The following RFTN1 variants were observed in gnomAD, a reference collection of about 807,000 sequenced individuals.
RFTN1 encodes the protein raftlin, lipid raft linker 1.
Under a neutral mutation model 46.5 loss-of-function variants are expected in RFTN1, and 26 were observed. That is an observed-to-expected ratio of 0.56 (90% CI 0.41 to 0.78). The LOEUF is 0.78. Among genes scored for constraint, RFTN1 ranks in the 30% least tolerant of loss-of-function variants. The probability of loss-of-function intolerance (pLI) is 0.00; values close to 1 mark genes in which losing one functional copy is unlikely to be tolerated. For synonymous variants in RFTN1, 261 were observed against 284.2 expected (o/e 0.92, Z 0.82); for missense variants, 693 against 718.7 (o/e 0.96, Z 0.41).
chr3:16,452,929 C>T lies in RFTN1; in HGVS notation c.146-18892G>A, dbSNP rs1397311405. Among the ~76,000 whole-genome samples, 2 of 152,100 alleles carry T rather than the reference C, an allele frequency of 1.3e-5. No individual in the cohort carries two copies. The highest frequency in any genetic ancestry group is 2.9e-5 in the Non-Finnish European group (2 of 68,006). On this transcript the variant is annotated intron_variant, in intron 2 of 9. Transcript: ENST00000334133. This position sits in a 1 kb window ranked among gnomAD's most constrained non-coding sequence, Gnocchi z 6.3. ...TCAATGTATTTTACAGCAGAAAAAG[C>T]CCTTAAAAATGAGAATGAGGATGAT...
intron 2 of RFTN1, among the ~76,000 whole-genome samples, chr3:16,439,834 G>A (rs2075587542): frequency 6.6e-6 from 1 of 152,114 alleles, no homozygotes; most frequent in Non-Finnish European, 1.5e-5. Flanking sequence ...GCTTTTCAGA[G>A]GAGTTCTAGG....
In RFTN1 at chr3:16,474,505, G is replaced by A. The variant is rs2124955971; in HGVS notation, c.145+19220C>T. On this transcript the variant is annotated intron_variant, in intron 2 of 9. Coordinates refer to ENST00000334133, the MANE Select transcript of RFTN1 (RefSeq NM_015150.2). The surrounding 1 kb of genome is among the most constrained non-coding windows in gnomAD (Gnocchi z 5.5). Reference sequence around the variant, plus strand: ...TGAGAAAGATACCAGTACACCCCCAGGAAGCCAGCCGATTCTCTGGTGATG... The same window carrying A: ...TGAGAAAGATACCAGTACACCCCCAAGAAGCCAGCCGATTCTCTGGTGATG... Among the ~76,000 whole-genome samples, 1 of 152,276 alleles carries A rather than the reference G, an allele frequency of 6.6e-6. No homozygotes were observed. The highest frequency in any genetic ancestry group is 1.9e-4 in the East Asian group (1 of 5,176).
intron 8 of RFTN1, 85 bp downstream of exon 8, chr3:16,326,688 T>G: frequency 1.0e-6 from 1 of 984,494 alleles, no homozygotes; most frequent in South Asian, 1.5e-5. Flanking sequence ...ATTAAATAAT[T>G]TATAGACGTG....
chr3:16,372,158 G>A (rs1286221737), intron 5 of RFTN1, among the ~76,000 whole-genome samples: 4 of 152,188 alleles, frequency 2.6e-5, no homozygotes, highest in East Asian at 1.9e-4. Flanking sequence ...AGTGATCCCA[G>A]GAAACAGAGG....
At chr3:16,371,875 C>T (rs541180873) in intron 5 of RFTN1, among the ~76,000 whole-genome samples, 1 of 152,304 alleles carries the variant, frequency 6.6e-6, no homozygotes, top group African/African-American at 2.4e-5. Flanking sequence ...AGTCACTAGA[C>T]TAGTTTGTGA....
Position 16,500,462 on chromosome 3 carries a change from A to G in RFTN1, c.-8-6585T>C, listed in dbSNP as rs1484033220. On this transcript the variant is annotated intron_variant, in intron 1 of 9. Coordinates refer to ENST00000334133, the MANE Select transcript of RFTN1 (RefSeq NM_015150.2). This position sits in a 1 kb window ranked among gnomAD's most constrained non-coding sequence, Gnocchi z 5.9. Reference sequence around the variant, plus strand: ...ATGGAAGAGGTCTTTCCCCATTTCTATGGTGAAACAGTGGGGAAATAATCA... The same window carrying G: ...ATGGAAGAGGTCTTTCCCCATTTCTGTGGTGAAACAGTGGGGAAATAATCA... Among the ~76,000 whole-genome samples, 1 of 152,224 alleles carries G rather than the reference A, an allele frequency of 6.6e-6. No individual in the cohort carries two copies. Among genetic ancestry groups the G allele is most frequent in the Non-Finnish European group, 1.5e-5 (1 of 68,040 alleles).
rs939109727 is a variant in RFTN1, at chr3:16,443,328, T to C, written c.146-9291A>G. Among the ~76,000 whole-genome samples the C allele has an allele frequency of 2.0e-5, 3 of 152,234 alleles. No individual in the cohort carries two copies. The highest frequency in any genetic ancestry group is 1.3e-4 in the Admixed American group (2 of 15,288). On this transcript the variant is annotated intron_variant, in intron 2 of 9. Coordinates refer to ENST00000334133, the MANE Select transcript of RFTN1 (RefSeq NM_015150.2). This position sits in a 1 kb window ranked among gnomAD's most constrained non-coding sequence, Gnocchi z 5.5. ...TTTGCATTTCTCTGATGTTTAGTGA[T>C]GTTAATAAGCATTCTTTCATATATG...
intron 2 of RFTN1, among the ~76,000 whole-genome samples, chr3:16,434,429 T>C (rs2125497410): frequency 6.6e-6 from 1 of 151,600 alleles, no homozygotes; most frequent in Admixed American, 6.6e-5. Flanking sequence ...TAGCCAGTGC[T>C]TGTGGTCCTG....
Position 16,509,461 on chromosome 3 carries a change from A to G in RFTN1, c.-9+3981T>C, listed in dbSNP as rs2076863338. On this transcript the variant is annotated intron_variant, in intron 1 of 9. Transcript: ENST00000334133. The surrounding 1 kb of genome is among the most constrained non-coding windows in gnomAD (Gnocchi z 4.9). ...GGGCTGAAGTGAAGATAATATAAGT[A>G]CTCGCCTCTCATGAGGATTAAATTC... Among the ~76,000 whole-genome samples the G allele has an allele frequency of 6.6e-6, 1 of 152,168 alleles. No individual in the cohort carries two copies. Among genetic ancestry groups the G allele is most frequent in the Admixed American group, 6.5e-5 (1 of 15,278 alleles).
chr3:16,443,712 C>T lies in RFTN1; in HGVS notation c.146-9675G>A, dbSNP rs7644810. On this transcript the variant is annotated intron_variant, in intron 2 of 9. Coordinates refer to ENST00000334133, the MANE Select transcript of RFTN1 (RefSeq NM_015150.2). The surrounding 1 kb of genome is among the most constrained non-coding windows in gnomAD (Gnocchi z 5.5). ...GTTAAGTTGTTATTGGTTTGCTCGT[C>T]ATTTCAGAGAATCACACATAGTCAA... Among the ~76,000 whole-genome samples, 94,758 of 151,374 alleles carry T rather than the reference C, an allele frequency of 0.63. 29,927 individuals carry two copies. The highest frequency in any genetic ancestry group is 0.76 in the South Asian group (3,652 of 4,808).
Position 16,357,121 on chromosome 3 carries a change from A to C in RFTN1, c.1146+811T>G, listed in dbSNP as rs1262626635. Among the ~76,000 whole-genome samples, 28 of 90,824 alleles carry C rather than the reference A, an allele frequency of 3.1e-4. No homozygotes were observed. The East Asian group carries it at 3.7e-3, about 12-fold the overall frequency. 59.6% of individuals were successfully genotyped at this position (90,824 alleles called of 152,430 possible). On this transcript the variant is annotated intron_variant, in intron 7 of 9. Transcript: ENST00000334133. The stretch of plus-strand genomic sequence containing the variant: ...CAGAGCAAGATGCCATCTCAAAAAA[A>C]AAAAAAACAAAAAAACAAACAAACA...
At position 16,479,503 on chromosome 3, in the gene RFTN1, A is replaced by G. The variant is rs1276947412; in HGVS notation, c.145+14222T>C. Reference sequence around the variant, plus strand: ...GAAAAACCTCAACATCCTTCTCCCCATTCCTTGCACACCTTTACAGCATTA... The same window carrying G: ...GAAAAACCTCAACATCCTTCTCCCCGTTCCTTGCACACCTTTACAGCATTA... On this transcript the variant is annotated intron_variant, in intron 2 of 9. Transcript: ENST00000334133. The surrounding 1 kb of genome is among the most constrained non-coding windows in gnomAD (Gnocchi z 5.1). Among the ~76,000 whole-genome samples, 1 of 152,216 alleles carries G rather than the reference A, an allele frequency of 6.6e-6. No individual in the cohort carries two copies. Among genetic ancestry groups the G allele is most frequent in the Non-Finnish European group, 1.5e-5 (1 of 68,040 alleles).
rs2075291332 is a variant in RFTN1 at position 16,426,405 on chromosome 3, A to C, written c.332+7446T>G. Among the ~76,000 whole-genome samples the C allele has an allele frequency of 1.3e-5, 2 of 151,944 alleles. No individual in the cohort carries two copies. Among genetic ancestry groups the C allele is most frequent in the South Asian group, 4.2e-4 (2 of 4,818 alleles). On this transcript the variant is annotated intron_variant, in intron 3 of 9. Transcript: ENST00000334133. The surrounding 1 kb of genome is among the most constrained non-coding windows in gnomAD (Gnocchi z 5.9). ...ACTTTCGACTGTAATTTTTTAAAGG[A>C]TTTTCTTTTTAGTTTCAGTATAATT...
At chr3:16,367,631 T>A (rs1342583690) in intron 6 of RFTN1, among the ~76,000 whole-genome samples, 1 of 151,976 alleles carries the variant, frequency 6.6e-6, no homozygotes, top group Non-Finnish European at 1.5e-5. Flanking sequence ...GCAGGAAGAA[T>A]GAATTTAATG....
chr3:16,369,758 T>A (rs2073415361), intron 6 of RFTN1, among the ~76,000 whole-genome samples: 1 of 152,160 alleles, frequency 6.6e-6, no homozygotes. Context: ...CAGGGGGTAA[T>A]TAACAAATCC....
rs912845840 is a variant in RFTN1, at chr3:16,484,683, A to T, written c.145+9042T>A. 6.6e-6 allele frequency: 1 copy of T among 152,238 alleles called. No homozygotes were observed. The highest frequency in any genetic ancestry group is 2.1e-4 in the South Asian group (1 of 4,826). 9.4% of individuals were successfully genotyped at this position (152,238 alleles called of 1,614,324 possible). ...GAATAAATTACCTTTGAACTTTTTC[A>T]TGTTGAAGCCCTTCAATTTAGTTTA... On this transcript the variant is annotated intron_variant, in intron 2 of 9. Coordinates refer to ENST00000334133, the MANE Select transcript of RFTN1 (RefSeq NM_015150.2). This position sits in a 1 kb window ranked among gnomAD's most constrained non-coding sequence, Gnocchi z 4.6.
chr3:16,452,084 G>C lies in RFTN1; in HGVS notation c.146-18047C>G, dbSNP rs1291764215. Among the ~76,000 whole-genome samples, 3 of 152,194 alleles carry C rather than the reference G, an allele frequency of 2.0e-5. No homozygotes were observed. Among genetic ancestry groups the C allele is most frequent in the African/African-American group, 7.2e-5 (3 of 41,446 alleles). ...GCAGGATGGCACGAGATTTCACCAT[G>C]CTACTCAGAATAGTGAGTAATTGAA... On this transcript the variant is annotated intron_variant, in intron 2 of 9. Coordinates refer to ENST00000334133, the MANE Select transcript of RFTN1 (RefSeq NM_015150.2). This position sits in a 1 kb window ranked among gnomAD's most constrained non-coding sequence, Gnocchi z 6.3.
At chr3:16,456,655 T>C (rs2075911221) in intron 2 of RFTN1, among the ~76,000 whole-genome samples, 1 of 152,246 alleles carries the variant, frequency 6.6e-6, no homozygotes, top group South Asian at 2.1e-4. Context: ...CATCTATCTA[T>C]ATTCTTCACG....
Position 16,377,920 on chromosome 3 carries a change from C to T in RFTN1, c.624G>A (p.Gly208=). The part of the protein sequence containing the change: ...ASLENEKPGT[G]DVCSAPAGRN... ...TCCCAGCCGGAGCACTGCACACATC[C>T]CCAGTCCCCGGTTTCTCATTCTCCA... Residue 208 remains glycine, a synonymous_variant, in exon 5 of 10, where the codon GGG becomes GGA. Coordinates refer to ENST00000334133, the MANE Select transcript of RFTN1 (RefSeq NM_015150.2). 1.9e-6 allele frequency: 3 copies of T among 1,614,244 alleles called. No individual in the cohort carries two copies. Among genetic ancestry groups the T allele is most frequent in the Non-Finnish European group, 1.7e-6 (2 of 1,180,044 alleles).
Sources: gnomAD v4.1 joint callset for allele counts (sites outside exome capture counted in the v4.1 genomes callset) on GRCh38, gnomAD v4.1.1 for gene constraint, Gnocchi (gnomAD v3.1) non-coding constraint, MANE v1.5 for transcripts, NCBI Gene and HGNC (gene_info 2026-07-23, HGNC 2026-07-21) for gene names.